DDHD1: variants seen among roughly 807,000 people sequenced by gnomAD.
The protein encoded by DDHD1 is DDHD domain containing 1, also known as phospholipase DDHD1.
DDHD1 carries 49 observed loss-of-function variants against 96.4 expected under a neutral mutation model. The ratio of observed to expected loss-of-function variants is 0.51; its 90% CI spans 0.40 to 0.64. DDHD1 has a LOEUF of 0.64. DDHD1 is among the 30% of genes least tolerant of loss of function. DDHD1 has a pLI of 0.00. For missense variants in DDHD1, 1,106 were observed against 1,161.2 expected (o/e 0.95, Z 0.69); for synonymous variants, 442 against 446.5 (o/e 0.99, Z 0.13).
At chr14:53,061,457 T>C (rs1883547508) in intron 7 of DDHD1, 3 of 343,514 alleles carry the variant, frequency 8.7e-6, no homozygotes, top group Non-Finnish European at 1.0e-5. Flanking sequence ...ATGTGAGTCA[T>C]ATACAAGCAC....
intron 4 of DDHD1, among the ~76,000 whole-genome samples, chr14:53,075,857 C>T (rs1478147677): frequency 2.0e-5 from 3 of 152,030 alleles, no homozygotes; most frequent in Non-Finnish European, 4.4e-5. Context: ...AATAGAACAA[C>T]AAAGCCTGGA....
intron 5 of DDHD1, among the ~76,000 whole-genome samples, chr14:53,073,168 G>T (rs1269256134): frequency 2.0e-5 from 3 of 151,988 alleles, no homozygotes; most frequent in African/African-American, 7.2e-5. Flanking sequence ...ATAACTTTGT[G>T]TAAAGAAAGA....
intron 2 of DDHD1, chr14:53,103,013 C>T: frequency 1.3e-6 from 2 of 1,560,992 alleles, no homozygotes; most frequent in Non-Finnish European, 1.7e-6. Context: ...TCTAATCTAC[C>T]TGTACAGTTA....
chr14:53,074,821 G>T (rs1295396246), intron 4 of DDHD1, among the ~76,000 whole-genome samples: 1 of 151,958 alleles, frequency 6.6e-6, no homozygotes, highest in East Asian at 1.9e-4. Flanking sequence ...AAGGTCTGTG[G>T]CAACCTTGCA....
intron 1 of DDHD1, among the ~76,000 whole-genome samples, chr14:53,125,178 C>G (rs184996276): frequency 2.0e-5 from 3 of 152,266 alleles, no homozygotes; most frequent in Admixed American, 1.3e-4. Flanking sequence ...AGACTCTTAG[C>G]CTTTTTGCAA....
chr14:53,152,113 GCTCCCTGCT>G, intron 1 of DDHD1, 139 bp downstream of exon 1: 2 of 833,734 alleles, frequency 2.4e-6, no homozygotes, highest in Non-Finnish European at 3.6e-6. Context: ...AGCTGCCGAC[GCTCCCTGCT>G]CAATCTCCAT....
At chr14:53,138,194 C>T (rs1890375852) in intron 1 of DDHD1, among the ~76,000 whole-genome samples, 1 of 152,334 alleles carries the variant, frequency 6.6e-6, no homozygotes, top group South Asian at 2.1e-4. Flanking sequence ...CACTTGAGGT[C>T]AGGAGTTCAA....
In DDHD1 at chr14:53,152,243, C is replaced by T; in HGVS notation, c.838+18G>A. The T allele has an allele frequency of 3.2e-6, 5 of 1,583,340 alleles. No homozygotes were observed. Among genetic ancestry groups the T allele is most frequent in the Non-Finnish European group, 4.3e-6 (5 of 1,163,014 alleles). On this transcript the variant is annotated intron_variant, in intron 1 of 12. Transcript: ENST00000673822. ...GCAGGGGCAGCCCGTCCTGCCCTAA[C>T]CCCGGCCCGCTACTCACGGTTCCAG...
At chr14:53,082,983 T>C (rs1187982630) in intron 4 of DDHD1, among the ~76,000 whole-genome samples, 1 of 152,110 alleles carries the variant, frequency 6.6e-6, no homozygotes, top group African/African-American at 2.4e-5. Flanking sequence ...AAAGAAAATC[T>C]AGAAGACTCT....
At chr14:53,071,294 T>C (rs1884486309) in intron 6 of DDHD1, among the ~76,000 whole-genome samples, 1 of 152,134 alleles carries the variant, frequency 6.6e-6, no homozygotes, top group Admixed American at 6.5e-5. Flanking sequence ...TATATGATTA[T>C]GAGGCAATGT....
intron 1 of DDHD1, among the ~76,000 whole-genome samples, chr14:53,148,083 G>A (rs1891116718): frequency 6.6e-6 from 1 of 152,174 alleles, no homozygotes. Context: ...TAAAGCATCT[G>A]AAACTGAAAA....
chr14:53,129,096 T>C (rs1005769228), intron 1 of DDHD1, among the ~76,000 whole-genome samples: 1 of 152,224 alleles, frequency 6.6e-6, no homozygotes, highest in Admixed American at 6.5e-5. Flanking sequence ...TCAGCCAACC[T>C]GCACCCAGGT....
At chr14:53,070,093 T>C (rs1447134540) in intron 6 of DDHD1, among the ~76,000 whole-genome samples, 2 of 152,174 alleles carry the variant, frequency 1.3e-5, no homozygotes, top group East Asian at 1.9e-4. Flanking sequence ...TGAGCCCTCT[T>C]AGGGGTACCA....
In DDHD1 at chr14:53,139,089, AACCACACCCACACC is replaced by A. The variant is rs769330138; in HGVS notation, c.838+13158_838+13171del. ...GTAATAGGAGAGAAAAAAAAAAAAA[AACCACACCCACACC>A]CACACCCACACCCACAACCACACAG... On this transcript the variant is annotated intron_variant, in intron 1 of 12. Transcript: ENST00000673822. Among the ~76,000 whole-genome samples, 290 of 91,790 alleles carry A rather than the reference AACCACACCCACACC, an allele frequency of 3.2e-3. 1 individual carries two copies. The highest frequency in any genetic ancestry group is 8.0e-3 in the African/African-American group (283 of 35,308). 60.2% of individuals were successfully genotyped at this position (91,790 alleles called of 152,430 possible).
intron 1 of DDHD1, among the ~76,000 whole-genome samples, chr14:53,110,774 G>A (rs780232256): frequency 5.9e-5 from 9 of 152,068 alleles, no homozygotes; most frequent in East Asian, 3.9e-4. Flanking sequence ...TCACGAGTTC[G>A]AGACTAGCCT....
chr14:53,061,024 G>T (rs1883502195), intron 8 of DDHD1, 102 bp downstream of exon 8: 1 of 1,054,142 alleles, frequency 9.5e-7, no homozygotes, highest in Non-Finnish European at 1.4e-6. Context: ...TATTTATTTT[G>T]AAAGAACAAT....
In DDHD1 at chr14:53,152,399, C is replaced by A. The variant is rs200233648; in HGVS notation, c.700G>T (p.Ala234Ser). 3.7e-6 allele frequency: 6 copies of A among 1,613,932 alleles called. No individual in the cohort carries two copies. The highest frequency in any genetic ancestry group is 1.7e-5 in the Admixed American group (1 of 60,034). ...SSGEDDDEDR[A>S]CGFCQSTTGH... is the part of the protein sequence containing the mutation. The stretch of plus-strand genomic sequence containing the variant: ...GTCGTACTCTGGCAGAAGCCGCAGG[C>A]GCGGTCCTCATCGTCATCTTCTCCG... Residue 234 changes from alanine to serine, a missense_variant, in exon 1 of 13, where the codon GCC (alanine) becomes TCC (serine). Physicochemically the swap from Ala to Ser is moderately conservative, Grantham distance 99. This residue lies in a region of DDHD1 where 456 missense variants were observed against 402.4 expected (regional missense o/e 1.13). Coordinates refer to ENST00000673822, the MANE Select transcript of DDHD1 (RefSeq NM_001160148.2).
At chr14:53,060,753 T>A (rs1883476408) in intron 8 of DDHD1, among the ~76,000 whole-genome samples, 1 of 152,202 alleles carries the variant, frequency 6.6e-6, no homozygotes, top group African/African-American at 2.4e-5. Flanking sequence ...ATGCCATTCC[T>A]CTTAAACAGA....
At chr14:53,059,466 C>T (rs1383304584) in intron 8 of DDHD1, among the ~76,000 whole-genome samples, 3 of 151,552 alleles carry the variant, frequency 2.0e-5, no homozygotes, top group Admixed American at 1.3e-4. Context: ...AGGATAGTCT[C>T]GATCTCCTGA....
Sources: allele counts gnomAD v4.1 joint callset (sites outside exome capture counted in the v4.1 genomes callset), GRCh38; gene constraint gnomAD v4.1.1; regional missense constraint gnomAD v4.1.1; transcripts MANE v1.5; gene names NCBI Gene and HGNC (gene_info 2026-07-23, HGNC 2026-07-21).